The following SLC25A37 variants were observed in gnomAD, a reference collection of about 807,000 sequenced individuals.
The protein encoded by SLC25A37 is mitoferrin-1.
SLC25A37 carries 17 observed loss-of-function variants against 31.0 expected under a neutral mutation model. The observed-to-expected ratio is 0.55, with a 90% confidence interval of 0.38 to 0.82. SLC25A37 has a LOEUF of 0.82. Among genes scored for constraint, SLC25A37 ranks in the 40% least tolerant of loss-of-function variants. The pLI, the probability that SLC25A37 is intolerant of heterozygous loss-of-function variation, is 0.00. For missense variants in SLC25A37, 404 were observed against 465.8 expected (o/e 0.87, Z 1.22); for synonymous variants, 222 against 193.0 (o/e 1.15, Z -1.24).
At chr8:23,541,726 C>G (rs1372596957) in intron 1 of SLC25A37, 1 of 152,390 alleles carries the variant, frequency 6.6e-6, no homozygotes, top group Non-Finnish European at 1.5e-5. Context: ...TCTCTGCCCT[C>G]CTGTGGATCA....
At chr8:23,551,768 AACAGAGCTAGGATTTAGAT>A (rs368923437) in intron 1 of SLC25A37, among the ~76,000 whole-genome samples, 86 of 152,270 alleles carry the variant, frequency 5.6e-4, no homozygotes, top group African/African-American at 2.0e-3. Context: ...AGGAGGAAGC[AACAGAGCTAGGATTTAGAT>A]ACAGAGGGGT....
At chr8:23,550,822 G>C (rs886546173) in intron 1 of SLC25A37, among the ~76,000 whole-genome samples, 1 of 152,212 alleles carries the variant, frequency 6.6e-6, no homozygotes, top group African/African-American at 2.4e-5. Flanking sequence ...GATTCCAAGG[G>C]ACCAGAGAGC....
intron 2 of SLC25A37, chr8:23,566,739 A>G (rs958903866): frequency 2.3e-5 from 23 of 1,000,196 alleles, no homozygotes; most frequent in Non-Finnish European, 2.7e-5. Context: ...AGTTATCTGG[A>G]CAGCTTCTTT....
At chr8:23,568,451 T>G in intron 3 of SLC25A37, 73 bp downstream of exon 3, 1 of 1,559,216 alleles carries the variant, frequency 6.4e-7, no homozygotes, top group Non-Finnish European at 8.8e-7. Flanking sequence ...TGTGGGAGAG[T>G]GGAGAGGACT....
At chr8:23,549,412 A>G (rs1408169604) in intron 1 of SLC25A37, among the ~76,000 whole-genome samples, 2 of 152,170 alleles carry the variant, frequency 1.3e-5, no homozygotes, top group Non-Finnish European at 2.9e-5. Flanking sequence ...GGTTCCTGCT[A>G]TTACCTTTTG....
intron 1 of SLC25A37, among the ~76,000 whole-genome samples, chr8:23,561,819 T>C (rs1802523081): frequency 1.3e-5 from 2 of 152,174 alleles, no homozygotes; most frequent in South Asian, 2.1e-4. Context: ...TAGGGTGGTG[T>C]CTATGGATGG....
chr8:23,535,917 C>G (rs891928890), intron 1 of SLC25A37, among the ~76,000 whole-genome samples: 1 of 152,158 alleles, frequency 6.6e-6, no homozygotes, highest in African/African-American at 2.4e-5. Flanking sequence ...CCTCCCATAA[C>G]ACGTGGGAAT....
rs1239440592 is a variant in SLC25A37 at position 23,572,001 on chromosome 8, C to A, written c.*146C>A. 8 of 887,906 alleles carry A rather than the reference C, an allele frequency of 9.0e-6. No homozygotes were observed. In the East Asian group the frequency reaches 1.6e-4, roughly 18 times the overall value. The allele number at this position is 887,906 out of a possible 1,614,324, so 55.0% of individuals were successfully genotyped here. A position where few individuals can be genotyped will look rare whatever the true frequency, so the allele number is the denominator to read the frequency against. ...CCAATGCCTTAGAGAGAGGAGGGGACGGCACGGCCGCTCACCGGAAGGCTG... is the reference window on the plus strand; with the variant it reads ...CCAATGCCTTAGAGAGAGGAGGGGAAGGCACGGCCGCTCACCGGAAGGCTG... On this transcript the variant is annotated 3_prime_UTR_variant, in exon 4 of 4. Coordinates refer to ENST00000519973, the MANE Select transcript of SLC25A37 (RefSeq NM_016612.4).
At chr8:23,553,207 G>C (rs1445065785) in intron 1 of SLC25A37, among the ~76,000 whole-genome samples, 2 of 152,128 alleles carry the variant, frequency 1.3e-5, no homozygotes, top group African/African-American at 4.8e-5. Context: ...GATCACCTGA[G>C]GTCAGGAGTT....
chr8:23,532,533 C>T (rs17089329), intron 1 of SLC25A37, among the ~76,000 whole-genome samples: 5 of 152,146 alleles, frequency 3.3e-5, no homozygotes, highest in Non-Finnish European at 5.9e-5. Flanking sequence ...ATTAGGCACA[C>T]CACTCGGAGA....
chr8:23,573,771 G>T lies in SLC25A37; in HGVS notation c.*1916G>T, dbSNP rs994054304. On this transcript the variant is annotated 3_prime_UTR_variant, in exon 4 of 4. Transcript: ENST00000519973. The stretch of plus-strand genomic sequence containing the variant: ...ACAGCCCTTTGCAGCTGGGCTGTGG[G>T]GCTTGGCTGCTGCCCTGTCCCATCT... The T allele has an allele frequency of 2.2e-6, 1 of 455,606 alleles. No individual in the cohort carries two copies. The highest frequency in any genetic ancestry group is 2.0e-5 in the African/African-American group (1 of 50,060). The allele number at this position is 455,606 out of a possible 1,614,324, so 28.2% of individuals were successfully genotyped here. A position where few individuals can be genotyped will look rare whatever the true frequency, so the allele number is the denominator to read the frequency against.
At chr8:23,565,450 C>G (rs1204515231) in intron 1 of SLC25A37, among the ~76,000 whole-genome samples, 2 of 150,712 alleles carry the variant, frequency 1.3e-5, no homozygotes, top group Non-Finnish European at 2.9e-5. Context: ...AGTAGCCATT[C>G]TTTTATTCCT....
Position 23,543,850 on chromosome 8 carries a change from A to C in SLC25A37, c.210+14638A>C, listed in dbSNP as rs1279240157. ...TGCGCCCAGCAAAAAACGATGTGGT[A>C]TTTTCACTGTACTTTTTTTTTGTTA... On this transcript the variant is annotated intron_variant, in intron 1 of 3. Transcript: ENST00000519973. 3.3e-5 allele frequency among the ~76,000 whole-genome samples: 5 copies of C among 151,298 alleles called. No individual in the cohort carries two copies. The East Asian group carries it at 9.8e-4, about 30-fold the overall frequency.
At chr8:23,532,225 A>T (rs1049978768) in intron 1 of SLC25A37, among the ~76,000 whole-genome samples, 23 of 152,186 alleles carry the variant, frequency 1.5e-4, no homozygotes, top group African/African-American at 5.5e-4. Context: ...GGATGTGAGC[A>T]CTCATTCATC....
chr8:23,543,497 C>A lies in SLC25A37; in HGVS notation c.210+14285C>A, dbSNP rs540321833. Among the ~76,000 whole-genome samples the A allele has an allele frequency of 1.7e-4, 26 of 152,350 alleles. 1 individual carries two copies. The South Asian group carries it at 5.2e-3, about 30-fold the overall frequency. ...AGGCCTTCACATTTACTCACCACCACTCACTTAAACTCACCCAGAGCAACT... is the reference window on the plus strand; with the variant it reads ...AGGCCTTCACATTTACTCACCACCAATCACTTAAACTCACCCAGAGCAACT... On this transcript the variant is annotated intron_variant, in intron 1 of 3. Transcript: ENST00000519973.
At chr8:23,559,328 T>C (rs2117439228) in intron 1 of SLC25A37, among the ~76,000 whole-genome samples, 1 of 151,126 alleles carries the variant, frequency 6.6e-6, no homozygotes, top group Admixed American at 6.6e-5. Context: ...TGAAATTCTC[T>C]GTCTCCGGTT....
intron 1 of SLC25A37, among the ~76,000 whole-genome samples, chr8:23,565,367 G>C (rs562396358): frequency 3.2e-4 from 49 of 152,196 alleles, no homozygotes; most frequent in African/African-American, 1.2e-3. Flanking sequence ...CAGAGGAGGG[G>C]AAAGCCAGGT....
Position 23,571,755 on chromosome 8 carries a change from T to C in SLC25A37, c.917T>C (p.Val306Ala). 1 of 1,614,038 alleles carries C rather than the reference T, an allele frequency of 6.2e-7. No homozygotes were observed. Among genetic ancestry groups the C allele is most frequent in the Non-Finnish European group, 8.5e-7 (1 of 1,179,892 alleles). Residue 306 changes from valine (V) to alanine (A), a missense_variant, in exon 4 of 4, where the codon GTC becomes GCC. Val to Ala is a moderately conservative substitution (Grantham distance 64). Around this residue, in one of 3 missense-constraint regions of SLC25A37, gnomAD observed 243 missense variants for 284.4 expected, o/e 0.85. Coordinates refer to ENST00000519973, the MANE Select transcript of SLC25A37 (RefSeq NM_016612.4). ...TACTTCAAAGGCATCCAGGCGCGTGTCATCTACCAGATGCCCTCCACCGCC... is the reference window on the plus strand; with the variant it reads ...TACTTCAAAGGCATCCAGGCGCGTGCCATCTACCAGATGCCCTCCACCGCC... ...AGYFKGIQAR[V>A]IYQMPSTAIS... is the part of the protein sequence containing the mutation.
At chr8:23,544,803 T>G (rs976027250) in intron 1 of SLC25A37, among the ~76,000 whole-genome samples, 1 of 152,094 alleles carries the variant, frequency 6.6e-6, no homozygotes, top group Non-Finnish European at 1.5e-5. Flanking sequence ...GCTGAGAAAG[T>G]GTCTGTGGTT....
Sources: gnomAD v4.1 joint callset for allele counts (sites outside exome capture counted in the v4.1 genomes callset) on GRCh38, gnomAD v4.1.1 for gene constraint, gnomAD v4.1.1 regional missense constraint, MANE v1.5 for transcripts, NCBI Gene and HGNC (gene_info 2026-07-23, HGNC 2026-07-21) for gene names.